WDR7: variants seen among roughly 807,000 people sequenced by gnomAD.
WDR7 encodes WD repeat-containing protein 7.
WDR7 carries 46 observed loss-of-function variants against 169.4 expected under a neutral mutation model. The observed-to-expected ratio is 0.27, with a 90% CI of 0.21 to 0.35. The LOEUF is 0.35. Among genes scored for constraint, WDR7 ranks in the 10% least tolerant of loss-of-function variants. WDR7 has a pLI of 1.00. For synonymous variants in WDR7, 612 were observed against 666.8 expected (o/e 0.92, Z 1.27); for missense variants, 1,534 against 1,859.3 (o/e 0.83, Z 3.22).
At position 56,923,982 on chromosome 18, in the gene WDR7, C is replaced by G. The variant is rs775224251; in HGVS notation, c.3587C>G (p.Thr1196Ser). Residue 1196 changes from threonine to serine, a missense_variant, in exon 22 of 28, where the codon ACT (threonine) becomes AGT (serine). Physicochemically the swap from Thr to Ser is moderately conservative, Grantham distance 58. Transcript: ENST00000254442. ...PPSPKLPPHS[T>S]IRRTAIDLIG... ...AGCCCCAAACTTCCTCCACACAGCACTATCCGAAGAACAGCCATTGATCTG... is the reference window on the plus strand; with the variant it reads ...AGCCCCAAACTTCCTCCACACAGCAGTATCCGAAGAACAGCCATTGATCTG... The G allele has an allele frequency of 1.2e-6, 2 of 1,611,332 alleles. No homozygotes were observed. The highest frequency in any genetic ancestry group is 1.7e-6 in the Non-Finnish European group (2 of 1,179,096).
intron 25 of WDR7, among the ~76,000 whole-genome samples, chr18:56,939,672 T>C (rs993717817): frequency 1.3e-5 from 2 of 152,140 alleles, no homozygotes; most frequent in Non-Finnish European, 2.9e-5. Flanking sequence ...TTATATTCAT[T>C]ACTCTAATTA....
At chr18:56,816,253 T>A in intron 20 of WDR7, 109 bp downstream of exon 20, 1 of 880,760 alleles carries the variant, frequency 1.1e-6, no homozygotes. Context: ...GGATGGAAAC[T>A]TGTACTGATG....
At chr18:56,654,279 G>A (rs4801045) in intron 1 of WDR7, among the ~76,000 whole-genome samples, 107,195 of 151,928 alleles carry the variant, frequency 0.71, 42,956 homozygotes, top group East Asian at 0.96. Flanking sequence ...CTACAGGCAC[G>A]CGCCACTACG....
chr18:56,856,678 C>A (rs2045726930), intron 20 of WDR7, among the ~76,000 whole-genome samples: 1 of 151,858 alleles, frequency 6.6e-6, no homozygotes, highest in Non-Finnish European at 1.5e-5. Context: ...GTTACTAAGT[C>A]TTTCCACATT....
At chr18:56,842,837 G>A (rs2045506513) in intron 20 of WDR7, among the ~76,000 whole-genome samples, 1 of 152,162 alleles carries the variant, frequency 6.6e-6, no homozygotes, top group South Asian at 2.1e-4. Context: ...TAGCTTTAGA[G>A]CCATACTGTC....
intron 20 of WDR7, among the ~76,000 whole-genome samples, chr18:56,824,439 A>T (rs887436630): frequency 2.6e-5 from 4 of 152,236 alleles, no homozygotes; most frequent in Non-Finnish European, 5.9e-5. Flanking sequence ...GCACTAGAAT[A>T]GCTGGTACAT....
At chr18:56,935,982 C>T (rs2046956045) in intron 23 of WDR7, 77 bp downstream of exon 23, 2 of 1,265,450 alleles carry the variant, frequency 1.6e-6, no homozygotes, top group Non-Finnish European at 2.2e-6. Context: ...GGGTTCATAT[C>T]CACAAATCCC....
intron 20 of WDR7, among the ~76,000 whole-genome samples, chr18:56,874,517 A>G (rs895384719): frequency 3.3e-5 from 5 of 152,068 alleles, no homozygotes; most frequent in African/African-American, 9.6e-5. Flanking sequence ...TAAGAAATAT[A>G]ATTCACAAAA....
intron 12 of WDR7, among the ~76,000 whole-genome samples, chr18:56,710,508 C>T (rs2026064084): frequency 6.6e-6 from 1 of 152,056 alleles, no homozygotes; most frequent in South Asian, 2.1e-4. Context: ...AGCAATTCTA[C>T]CTTGGGTATT....
Position 56,674,549 on chromosome 18 carries a change from C to A in WDR7, c.159+1875C>A, listed in dbSNP as rs112561717. On this transcript the variant is annotated intron_variant, in intron 2 of 27. Transcript: ENST00000254442. ...TTTTTATTATTGAATCGTAAAAATTCTTCATATATTCTAGATACAAATCCC... is the reference window on the plus strand; with the variant it reads ...TTTTTATTATTGAATCGTAAAAATTATTCATATATTCTAGATACAAATCCC... 1.9e-3 allele frequency among the ~76,000 whole-genome samples: 285 copies of A among 152,004 alleles called. 1 individual carries two copies. Among genetic ancestry groups the A allele is most frequent in the African/African-American group, 6.7e-3 (279 of 41,456 alleles).
chr18:57,034,779 A>G (rs1304461355), downstream of WDR7: 1 of 152,116 alleles, frequency 6.6e-6, no homozygotes, highest in Non-Finnish European at 1.5e-5. Flanking sequence ...CACCCAGTAG[A>G]GGCTAAATGT....
chr18:56,720,595 A>G (rs1462197224), intron 13 of WDR7, among the ~76,000 whole-genome samples: 1 of 152,232 alleles, frequency 6.6e-6, no homozygotes, highest in Non-Finnish European at 1.5e-5. Flanking sequence ...TCTGATGCTT[A>G]GATAATACTT....
At chr18:56,758,843 T>C in intron 15 of WDR7, 22 bp from the exon 16 acceptor site, 1 of 1,573,772 alleles carries the variant, frequency 6.4e-7, no homozygotes, top group Non-Finnish European at 8.7e-7. Context: ...ATATATCTTG[T>C]ATTTTTTTCT....
chr18:56,830,916 A>C (rs1265124782), intron 20 of WDR7, among the ~76,000 whole-genome samples: 1 of 152,204 alleles, frequency 6.6e-6, no homozygotes. Flanking sequence ...CATGTTGGTC[A>C]GGCTGGTCTT....
Position 57,016,958 on chromosome 18 carries a change from AG to A in WDR7, c.4165-3786del, listed in dbSNP as rs537135493. 1.8e-4 allele frequency among the ~76,000 whole-genome samples: 28 copies of A among 152,356 alleles called. No homozygotes were observed. The South Asian group carries it at 5.8e-3, about 32-fold the overall frequency. Reference sequence around the variant, plus strand: ...GCATGATACTCATTCGCATATAAAAAGTCTACCAAACCTCTATTTATGTTGA... The same window carrying A: ...GCATGATACTCATTCGCATATAAAAATCTACCAAACCTCTATTTATGTTGA... On this transcript the variant is annotated intron_variant, in intron 26 of 27. Coordinates refer to ENST00000254442, the MANE Select transcript of WDR7 (RefSeq NM_015285.3).
At chr18:56,803,022 A>G (rs1418343317) in intron 19 of WDR7, among the ~76,000 whole-genome samples, 7 of 151,846 alleles carry the variant, frequency 4.6e-5, no homozygotes, top group Non-Finnish European at 1.0e-4. Context: ...TGTATCTTCT[A>G]GGTCATTAAC....
At chr18:57,001,726 A>G (rs956943792) in intron 26 of WDR7, among the ~76,000 whole-genome samples, 2 of 152,094 alleles carry the variant, frequency 1.3e-5, no homozygotes, top group Admixed American at 6.6e-5. Flanking sequence ...ACAATCACCA[A>G]TCTTTCTTGC....
intron 21 of WDR7, among the ~76,000 whole-genome samples, chr18:56,892,307 A>G (rs187663068): frequency 5.2e-4 from 79 of 152,180 alleles, no homozygotes; most frequent in African/African-American, 1.7e-3. Flanking sequence ...GTTCTATACC[A>G]GTTGTTCTGT....
At chr18:56,709,018 C>T (rs540039458) in intron 12 of WDR7, among the ~76,000 whole-genome samples, 39 of 152,172 alleles carry the variant, frequency 2.6e-4, no homozygotes, top group Middle Eastern at 3.4e-3. Flanking sequence ...CTCTAAAACC[C>T]ATAAATATAT....
Sources: allele counts gnomAD v4.1 joint callset (sites outside exome capture counted in the v4.1 genomes callset), GRCh38; gene constraint gnomAD v4.1.1; transcripts MANE v1.5; gene names NCBI Gene and HGNC (gene_info 2026-07-23, HGNC 2026-07-21).